PTPRM: variants seen among roughly 807,000 people sequenced by gnomAD.
The protein encoded by PTPRM is receptor-type tyrosine-protein phosphatase mu.
Under a neutral mutation model 186.7 loss-of-function variants are expected in PTPRM, and 47 were observed. That is an observed-to-expected ratio of 0.25 (90% CI 0.20 to 0.32). The LOEUF is 0.32. PTPRM is among the 10% of genes least tolerant of loss of function. The probability of loss-of-function intolerance (pLI) is 1.00; values close to 1 mark genes in which losing one functional copy is unlikely to be tolerated. For missense variants in PTPRM, 1,494 were observed against 1,865.0 expected (o/e 0.80, Z 3.66); for synonymous variants, 668 against 674.9 (o/e 0.99, Z 0.16).
intron 1 of PTPRM, among the ~76,000 whole-genome samples, chr18:7,667,807 G>A (rs2039131026): frequency 6.6e-6 from 1 of 152,032 alleles, no homozygotes; most frequent in Non-Finnish European, 1.5e-5. Flanking sequence ...TATAATGAGG[G>A]CAGAAAGTTG....
Position 7,897,468 on chromosome 18 carries a change from A to C in PTPRM, c.469-9037A>C, listed in dbSNP as rs1227354457. Among the ~76,000 whole-genome samples the C allele has an allele frequency of 3.3e-5, 5 of 152,208 alleles. No individual in the cohort carries two copies. The East Asian group carries it at 9.6e-4, about 29-fold the overall frequency. Reference sequence around the variant, plus strand: ...TCTCAAGCAGGAAAGCTAGTCTAGTAGGTGCCGCAATACTCTGCATTTTGT... The same window carrying C: ...TCTCAAGCAGGAAAGCTAGTCTAGTCGGTGCCGCAATACTCTGCATTTTGT... On this transcript the variant is annotated intron_variant, in intron 3 of 32. Transcript: ENST00000580170.
At chr18:8,235,194 A>G (rs2094330100) in intron 14 of PTPRM, among the ~76,000 whole-genome samples, 2 of 152,142 alleles carry the variant, frequency 1.3e-5, no homozygotes, top group African/African-American at 4.8e-5. Context: ...CAGTGAAACC[A>G]TCTGAGCCTG....
At position 8,143,679 on chromosome 18, in the gene PTPRM, G is replaced by A. The variant is rs373023204; in HGVS notation, c.2200G>A (p.Glu734Lys). ...AATPKPVPEPEKQTDHTVKIA... is the reference protein window; with the variant it reads ...AATPKPVPEPKKQTDHTVKIA... ...CACTCCGAAACCAGTCCCAGAACCC[G>A]AGAAACAGACAGACCATACAGTTAA... The change falls in exon 14 of 33, where the codon GAG becomes AAG. Residue 734 changes from glutamate (E) to lysine (K), a missense_variant. Glu to Lys is a moderately conservative substitution (Grantham distance 56). This residue lies in a region of PTPRM where 1,107 missense variants were observed against 1,350.2 expected (regional missense o/e 0.82). Coordinates refer to ENST00000580170, the MANE Select transcript of PTPRM (RefSeq NM_001105244.2). 2.8e-5 allele frequency: 45 copies of A among 1,607,488 alleles called. No homozygotes were observed. The highest frequency in any genetic ancestry group is 8.3e-5 in the Admixed American group (5 of 60,006).
chr18:8,359,596 A>T (rs2095584460), intron 23 of PTPRM, among the ~76,000 whole-genome samples: 1 of 152,260 alleles, frequency 6.6e-6, no homozygotes, highest in Non-Finnish European at 1.5e-5. Context: ...TTTGGGGTAC[A>T]TACAGGTGGT....
intron 14 of PTPRM, among the ~76,000 whole-genome samples, chr18:8,173,138 A>G (rs1331171760): frequency 6.6e-6 from 1 of 152,222 alleles, no homozygotes; most frequent in African/African-American, 2.4e-5. Context: ...AAGTGGAACC[A>G]TTAACCATGT....
At chr18:7,796,516 C>T (rs1412592265) in intron 2 of PTPRM, among the ~76,000 whole-genome samples, 2 of 152,318 alleles carry the variant, frequency 1.3e-5, no homozygotes, top group African/African-American at 2.4e-5. Context: ...CACCTCACTC[C>T]ACAGCAGGTC....
rs59526686 is a variant in PTPRM, at chr18:8,049,963, G to A, written c.1133-19723G>A. 8.2e-3 allele frequency among the ~76,000 whole-genome samples: 1,249 copies of A among 152,018 alleles called. 21 individuals are homozygous for A. Among genetic ancestry groups the A allele is most frequent in the African/African-American group, 0.029 (1,193 of 41,460 alleles). ...CCTGACCTTGTGATCCACCCACCTC[G>A]GCCTCCCAAAGTGCTGGGATTACAG... On this transcript the variant is annotated intron_variant, in intron 7 of 32. Coordinates refer to ENST00000580170, the MANE Select transcript of PTPRM (RefSeq NM_001105244.2).
chr18:8,101,835 C>A (rs1236101329), intron 11 of PTPRM, among the ~76,000 whole-genome samples: 1 of 152,318 alleles, frequency 6.6e-6, no homozygotes, highest in African/African-American at 2.4e-5. Flanking sequence ...CAGAAGACAT[C>A]TTTCCTCCTG....
chr18:7,763,663 T>A (rs531349013), intron 1 of PTPRM, among the ~76,000 whole-genome samples: 1 of 152,230 alleles, frequency 6.6e-6, no homozygotes, highest in African/African-American at 2.4e-5. Context: ...CTATATTTAC[T>A]TTTTCCTTAT....
chr18:8,175,196 T>G (rs2093463284), intron 14 of PTPRM, among the ~76,000 whole-genome samples: 1 of 152,222 alleles, frequency 6.6e-6, no homozygotes, highest in African/African-American at 2.4e-5. Flanking sequence ...ATTCACCACA[T>G]GCAAATAGAG....
chr18:8,237,698 G>A (rs185210908), intron 14 of PTPRM, among the ~76,000 whole-genome samples: 15 of 151,900 alleles, frequency 9.9e-5, no homozygotes, highest in East Asian at 1.9e-4. Flanking sequence ...TGCCCACCTC[G>A]GCCTCCCAAA....
intron 19 of PTPRM, among the ~76,000 whole-genome samples, chr18:8,277,027 C>T (rs2094844091): frequency 1.3e-5 from 2 of 152,020 alleles, no homozygotes; most frequent in Admixed American, 1.3e-4. Flanking sequence ...ACCTCCCCTG[C>T]CTGGGTTCAA....
intron 5 of PTPRM, among the ~76,000 whole-genome samples, chr18:7,936,659 G>A (rs996968723): frequency 6.6e-6 from 1 of 152,202 alleles, no homozygotes; most frequent in African/African-American, 2.4e-5. Context: ...GCAGATGGGG[G>A]AGTTCCCCGG....
At chr18:8,105,205 T>G (rs2091462280) in intron 11 of PTPRM, among the ~76,000 whole-genome samples, 1 of 152,218 alleles carries the variant, frequency 6.6e-6, no homozygotes, top group African/African-American at 2.4e-5. Flanking sequence ...TACTTACTGT[T>G]GCTGAATCGC....
intron 1 of PTPRM, among the ~76,000 whole-genome samples, chr18:7,716,014 T>G (rs1312338303): frequency 2.6e-5 from 4 of 152,216 alleles, no homozygotes; most frequent in Admixed American, 6.5e-5. Flanking sequence ...AAAACTACTT[T>G]AAATTTCACA....
intron 10 of PTPRM, among the ~76,000 whole-genome samples, chr18:8,087,896 C>T (rs1420263968): frequency 3.3e-5 from 5 of 152,196 alleles, no homozygotes; most frequent in South Asian, 2.1e-4. Flanking sequence ...ATCACAGCTC[C>T]GTGTAATGAT....
At chr18:7,771,324 A>G (rs1317736369) in intron 1 of PTPRM, among the ~76,000 whole-genome samples, 2 of 152,138 alleles carry the variant, frequency 1.3e-5, no homozygotes, top group African/African-American at 4.8e-5. Context: ...TTGCCATTTG[A>G]GCTTATTGCT....
chr18:8,213,555 C>T (rs930585634), intron 14 of PTPRM, among the ~76,000 whole-genome samples: 2 of 152,146 alleles, frequency 1.3e-5, no homozygotes, highest in African/African-American at 4.8e-5. Context: ...TGTCAGTTCA[C>T]ACCCACAGAG....
intron 7 of PTPRM, among the ~76,000 whole-genome samples, chr18:8,015,940 G>A (rs57058858): frequency 0.033 from 5,077 of 152,136 alleles, 284 homozygotes; most frequent in African/African-American, 0.12. Context: ...ATGAGACCTC[G>A]AAATATCAAT....
Sources: gnomAD v4.1 joint callset for allele counts (sites outside exome capture counted in the v4.1 genomes callset) on GRCh38, gnomAD v4.1.1 for gene constraint, gnomAD v4.1.1 regional missense constraint, MANE v1.5 for transcripts, NCBI Gene and HGNC (gene_info 2026-07-23, HGNC 2026-07-21) for gene names.